RABGAP1L: variants seen among roughly 807,000 people sequenced by gnomAD.
The protein encoded by RABGAP1L is rab GTPase-activating protein 1-like.
A neutral mutation model predicts 137.7 loss-of-function variants in RABGAP1L; 63 were observed. The ratio of observed to expected loss-of-function variants is 0.46; its 90% CI spans 0.37 to 0.56. RABGAP1L has a LOEUF of 0.56. Among genes scored for constraint, RABGAP1L ranks in the 20% least tolerant of loss-of-function variants. The pLI, the probability that RABGAP1L is intolerant of heterozygous loss-of-function variation, is 0.00. For synonymous variants in RABGAP1L, 431 were observed against 433.7 expected, an observed-to-expected ratio of 0.99 and a Z score of 0.08; for missense variants, 1,095 against 1,244.0, an observed-to-expected ratio of 0.88 and a Z score of 1.80.
intron 14 of RABGAP1L, among the ~76,000 whole-genome samples, chr1:174,661,783 T>A (rs943560134): frequency 1.3e-5 from 2 of 152,168 alleles, no homozygotes; most frequent in Non-Finnish European, 2.9e-5. Context: ...AAGATTATAA[T>A]GGAGCTGAAA....
intron 12 of RABGAP1L, among the ~76,000 whole-genome samples, chr1:174,384,958 T>C (rs57953555): frequency 0.29 from 44,524 of 152,162 alleles, 7,303 homozygotes; most frequent in African/African-American, 0.43. Context: ...TACATAGATT[T>C]ATTTATCTTA....
At chr1:174,728,294 A>G (rs1483892580) in intron 17 of RABGAP1L, among the ~76,000 whole-genome samples, 1 of 150,620 alleles carries the variant, frequency 6.6e-6, no homozygotes, top group African/African-American at 2.5e-5. Context: ...TACAAAATCA[A>G]TGTACAATAA....
At chr1:174,842,289 T>C (rs1693499557) in intron 19 of RABGAP1L, among the ~76,000 whole-genome samples, 1 of 152,198 alleles carries the variant, frequency 6.6e-6, no homozygotes, top group African/African-American at 2.4e-5. Flanking sequence ...CCTGTCTTCC[T>C]TCAGAAGCAC....
chr1:174,738,926 T>C (rs1187872973), intron 17 of RABGAP1L, among the ~76,000 whole-genome samples: 3 of 152,250 alleles, frequency 2.0e-5, no homozygotes, highest in African/African-American at 7.2e-5. Context: ...CTCTTTGCCT[T>C]GTAGCTCTCA....
intron 14 of RABGAP1L, among the ~76,000 whole-genome samples, chr1:174,674,448 T>C (rs187157646): frequency 0.075 from 11,233 of 149,176 alleles, 591 homozygotes; most frequent in East Asian, 0.31. Context: ...TAGTATTCCA[T>C]GGTGTATATG....
At chr1:174,523,101 T>C (rs563010018) in intron 13 of RABGAP1L, among the ~76,000 whole-genome samples, 6 of 152,194 alleles carry the variant, frequency 3.9e-5, no homozygotes, top group Admixed American at 3.9e-4. Context: ...ATCAAGTATA[T>C]ATAATCAAGG....
chr1:174,990,131 ACT>A lies in RABGAP1L; in HGVS notation c.*133_*134del. On this transcript the variant is annotated 3_prime_UTR_variant, in exon 26 of 26. Coordinates refer to ENST00000681986, the MANE Select transcript of RABGAP1L (RefSeq NM_001366446.1). ...AAGCCAGAATTTTTCAGTAGCTCTC[ACT>A]CTTTCTTGTATGACACTTTTCAAAG... 1 of 1,178,888 alleles carries A rather than the reference ACT, an allele frequency of 8.5e-7. No individual in the cohort carries two copies. Among genetic ancestry groups the A allele is most frequent in the Non-Finnish European group, 1.2e-6 (1 of 856,812 alleles). The allele number at this position is 1,178,888 out of a possible 1,614,324, so 73.0% of individuals were successfully genotyped here.
chr1:174,234,720 T>C (rs1670999436), intron 4 of RABGAP1L, among the ~76,000 whole-genome samples: 1 of 150,166 alleles, frequency 6.7e-6, no homozygotes, highest in South Asian at 2.1e-4. Context: ...AGCTTTGCTC[T>C]TTTGGCTTAG....
rs112332191 is a variant in RABGAP1L, at chr1:174,486,370, G to A, written c.1710+92225G>A. On this transcript the variant is annotated intron_variant, in intron 13 of 25. Coordinates refer to ENST00000681986, the MANE Select transcript of RABGAP1L (RefSeq NM_001366446.1). ...TCTGATCTTTTTTTTTTTTTTAGACGGAGTCTCACTCTGTTGCCCAGGCTG... is the reference window on the plus strand; with the variant it reads ...TCTGATCTTTTTTTTTTTTTTAGACAGAGTCTCACTCTGTTGCCCAGGCTG... Among the ~76,000 whole-genome samples, 214 of 144,010 alleles carry A rather than the reference G, an allele frequency of 1.5e-3. 1 individual carries two copies. The highest frequency in any genetic ancestry group is 6.8e-3 in the East Asian group (34 of 4,982). The allele number at this position is 144,010 out of a possible 152,430, so 94.5% of individuals were successfully genotyped here.
At chr1:174,825,420 T>C (rs1053905001) in intron 19 of RABGAP1L, among the ~76,000 whole-genome samples, 1 of 152,242 alleles carries the variant, frequency 6.6e-6, no homozygotes, top group Non-Finnish European at 1.5e-5. Flanking sequence ...CTTGCTACTT[T>C]TATCCTGAAA....
rs181621794 is a variant in RABGAP1L at position 174,451,227 on chromosome 1, G to T, written c.1710+57082G>T. ...TTCAAGGAAAACAAAGTTCAAGGAAGTGTACTGCTAACATTTCAGATATCA... is the reference window on the plus strand; with the variant it reads ...TTCAAGGAAAACAAAGTTCAAGGAATTGTACTGCTAACATTTCAGATATCA... On this transcript the variant is annotated intron_variant, in intron 13 of 25. Coordinates refer to ENST00000681986, the MANE Select transcript of RABGAP1L (RefSeq NM_001366446.1). Among the ~76,000 whole-genome samples, 24 of 152,306 alleles carry T rather than the reference G, an allele frequency of 1.6e-4. No homozygotes were observed. The East Asian group carries it at 4.4e-3, about 28-fold the overall frequency.
At chr1:174,834,477 A>G (rs1692519293) in intron 19 of RABGAP1L, among the ~76,000 whole-genome samples, 1 of 150,976 alleles carries the variant, frequency 6.6e-6, no homozygotes, top group African/African-American at 2.4e-5. Context: ...TTCTCTGGGC[A>G]TTTGCCAATC....
chr1:174,518,165 T>C (rs1408426234), intron 13 of RABGAP1L, among the ~76,000 whole-genome samples: 1 of 152,128 alleles, frequency 6.6e-6, no homozygotes, highest in Non-Finnish European at 1.5e-5. Flanking sequence ...GAGATTCTGA[T>C]TTAAGTTGTC....
In RABGAP1L at chr1:174,251,493, C is replaced by T. The variant is rs769099084; in HGVS notation, c.875+861C>T. 2.0e-5 allele frequency among the ~76,000 whole-genome samples: 3 copies of T among 151,966 alleles called. No individual in the cohort carries two copies. The South Asian group carries it at 6.2e-4, about 32-fold the overall frequency. On this transcript the variant is annotated intron_variant, in intron 6 of 25. Transcript: ENST00000681986. ...CTTTAATTCTAAGAGTAGTTGCTAG[C>T]TAGGTATTTTATCTGTAGTTTTACA... is the stretch of plus-strand genomic sequence containing the variant.
rs186475503 is a variant in RABGAP1L at position 174,605,387 on chromosome 1, C to T, written c.1711-31988C>T. On this transcript the variant is annotated intron_variant, in intron 13 of 25. Coordinates refer to ENST00000681986, the MANE Select transcript of RABGAP1L (RefSeq NM_001366446.1). ...AGCAAAATGGCTTGAGCATCTCAAA[C>T]ACCTGTTGCCATGATCTTTGCTCTT... Among the ~76,000 whole-genome samples the T allele has an allele frequency of 1.6e-4, 24 of 152,298 alleles. No individual in the cohort carries two copies. In the East Asian group the frequency reaches 4.1e-3, roughly 26 times the overall value.
chr1:174,965,088 C>T lies in RABGAP1L; in HGVS notation c.2434-4189C>T, dbSNP rs1044704029. 22 of 775,708 alleles carry T rather than the reference C, an allele frequency of 2.8e-5. No homozygotes were observed. The African/African-American group carries it at 3.5e-4, about 12-fold the overall frequency. The allele number at this position is 775,708 out of a possible 1,614,324, so 48.1% of individuals were successfully genotyped here. A position where few individuals can be genotyped will look rare whatever the true frequency, so the allele number is the denominator to read the frequency against. ...AAAGTTACTAACCAAACTTTCCCAG[C>T]TGTACATCTCCTATCCATAAGGGGT... On this transcript the variant is annotated intron_variant, in intron 20 of 25. Coordinates refer to ENST00000681986, the MANE Select transcript of RABGAP1L (RefSeq NM_001366446.1).
Position 174,982,923 on chromosome 1 carries a change from G to A in RABGAP1L, c.2805+18G>A. 6.5e-7 allele frequency: 1 copy of A among 1,549,962 alleles called. No individual in the cohort carries two copies. Among genetic ancestry groups the A allele is most frequent in the African/African-American group, 1.4e-5 (1 of 73,142 alleles). ...TGGTAAAGGTAAGGAGTGAAATCGT[G>A]CTGTGATAAAATTTATTTCAAAGTC... On this transcript the variant is annotated intron_variant, in intron 24 of 25. Transcript: ENST00000681986.
At chr1:174,958,207 C>T (rs1247103865) in intron 20 of RABGAP1L, 6 of 1,328,950 alleles carry the variant, frequency 4.5e-6, no homozygotes, top group Non-Finnish European at 5.9e-6. Flanking sequence ...TTTGTTGCAA[C>T]ATTTATTTCC....
chr1:174,898,935 G>C (rs866924955), intron 19 of RABGAP1L, among the ~76,000 whole-genome samples: 2 of 152,094 alleles, frequency 1.3e-5, no homozygotes, highest in African/African-American at 4.8e-5. Flanking sequence ...TCAAAAAAAG[G>C]GTATGAGTTT....
Sources: allele counts gnomAD v4.1 joint callset (sites outside exome capture counted in the v4.1 genomes callset), GRCh38; gene constraint gnomAD v4.1.1; transcripts MANE v1.5; gene names NCBI Gene and HGNC (gene_info 2026-07-23, HGNC 2026-07-21).